Variants in BICD2 observed in about 807,000 individuals in gnomAD.
The protein encoded by BICD2 is protein bicaudal D homolog 2.
In BICD2, 25 loss-of-function variants were observed where a neutral mutation model predicts 72.9. That is an observed-to-expected ratio of 0.34 (90% CI 0.25 to 0.48). The LOEUF (loss-of-function observed/expected upper bound fraction) is 0.48. BICD2 is among the 20% of genes least tolerant of loss of function. The probability of loss-of-function intolerance (pLI) is 0.99; values close to 1 mark genes in which losing one functional copy is unlikely to be tolerated. For synonymous variants in BICD2, 501 were observed against 516.1 expected, an observed-to-expected ratio of 0.97 and a Z score of 0.40; for missense variants, 894 against 1,175.2, an observed-to-expected ratio of 0.76 and a Z score of 3.50.
At chr9:92,748,251 C>T (rs1854056707) in intron 1 of BICD2, among the ~76,000 whole-genome samples, 1 of 152,118 alleles carries the variant, frequency 6.6e-6, no homozygotes, top group Admixed American at 6.5e-5. Context: ...GAGAGGCATC[C>T]CAGGTTCTCC....
rs751269137 is a variant in BICD2 at position 92,764,717 on chromosome 9, ACTC to A, written c.25_27del (p.Glu9del). The A allele has an allele frequency of 1.8e-5, 28 of 1,579,736 alleles. No individual in the cohort carries two copies. In the East Asian group the frequency reaches 2.1e-4, roughly 12 times the overall value. ...TGCGCCTCCATCACCAGCCGCGCGT[ACTC>A]CTCCTCCTCCGACGGCGCCGACATG... On this transcript the variant is annotated inframe_deletion, in exon 1 of 7. Coordinates refer to ENST00000356884, the MANE Select transcript of BICD2 (RefSeq NM_001003800.2). This position sits in a 1 kb window ranked among gnomAD's most constrained non-coding sequence, Gnocchi z 5.5.
At chr9:92,717,738 G>GC in intron 6 of BICD2, 59 bp downstream of exon 6, 2 of 1,521,164 alleles carry the variant, frequency 1.3e-6, no homozygotes, top group Non-Finnish European at 8.8e-7. Context: ...GGTTCCAGAG[G>GC]CAAGTGCTGA....
At chr9:92,762,810 A>G (rs1258148076) in intron 1 of BICD2, among the ~76,000 whole-genome samples, 2 of 152,202 alleles carry the variant, frequency 1.3e-5, no homozygotes, top group African/African-American at 2.4e-5. Flanking sequence ...GGAGCGGCTC[A>G]CGATGCACTT....
chr9:92,735,389 A>T (rs537453939), intron 1 of BICD2, among the ~76,000 whole-genome samples: 1 of 152,070 alleles, frequency 6.6e-6, no homozygotes, highest in South Asian at 2.1e-4. Flanking sequence ...TCTGGCCAGG[A>T]GGGAGAAATC....
At chr9:92,758,571 C>G (rs1350695030) in intron 1 of BICD2, among the ~76,000 whole-genome samples, 1 of 88,296 alleles carries the variant, frequency 1.1e-5, no homozygotes, top group Non-Finnish European at 2.3e-5. Flanking sequence ...AAAAAAAAGG[C>G]TGGGCGTGGT....
intron 1 of BICD2, among the ~76,000 whole-genome samples, chr9:92,736,787 A>T (rs1345744921): frequency 1.3e-5 from 2 of 152,194 alleles, no homozygotes; most frequent in Non-Finnish European, 2.9e-5. Flanking sequence ...TAGCAGCTCC[A>T]TGACCGGAGC....
intron 1 of BICD2, among the ~76,000 whole-genome samples, chr9:92,738,876 A>C (rs1197778326): frequency 1.3e-5 from 2 of 152,224 alleles, no homozygotes; most frequent in Non-Finnish European, 2.9e-5. Context: ...TGCAGTTTCC[A>C]CAACAAAACT....
chr9:92,754,144 CAA>C (rs59231772), intron 1 of BICD2, among the ~76,000 whole-genome samples: 38,880 of 140,232 alleles, frequency 0.28, 6,268 homozygotes, highest in East Asian at 0.77. Flanking sequence ...GACTACATCT[CAA>C]AAAAAAAAAA....
intron 1 of BICD2, among the ~76,000 whole-genome samples, chr9:92,750,019 C>G (rs1463327434): frequency 6.6e-6 from 1 of 152,250 alleles, no homozygotes; most frequent in Non-Finnish European, 1.5e-5. Context: ...GACTTCATCT[C>G]AAACCCTCAT....
At chr9:92,741,738 T>C (rs1480393138) in intron 1 of BICD2, among the ~76,000 whole-genome samples, 1 of 152,184 alleles carries the variant, frequency 6.6e-6, no homozygotes, top group Admixed American at 6.5e-5. Flanking sequence ...CACTCTCCCC[T>C]TAAAAGGAGA....
chr9:92,737,704 T>C (rs923313981), intron 1 of BICD2, among the ~76,000 whole-genome samples: 2 of 152,238 alleles, frequency 1.3e-5, no homozygotes, highest in African/African-American at 4.8e-5. Context: ...AGTTATCACC[T>C]GGGCACACCC....
At chr9:92,718,393 G>A (rs1853368370) in intron 5 of BICD2, 146 bp downstream of exon 5, 2 of 971,370 alleles carry the variant, frequency 2.1e-6, no homozygotes, top group South Asian at 3.5e-5. Context: ...GGGGAGGGTA[G>A]GCAGTCGAGC....
At chr9:92,722,844 C>T in intron 2 of BICD2, 36 bp from the exon 3 acceptor site, 1 of 1,613,282 alleles carries the variant, frequency 6.2e-7, no homozygotes, top group South Asian at 1.1e-5. Context: ...TATGAGCAGC[C>T]TCCACAGGGC....
rs769346074 is a variant in BICD2 at position 92,714,889 on chromosome 9, G to C, written c.*265C>G. 84 of 1,264,944 alleles carry C rather than the reference G, an allele frequency of 6.6e-5. No homozygotes were observed. Among genetic ancestry groups the C allele is most frequent in the Non-Finnish European group, 7.8e-5 (78 of 1,004,502 alleles). The allele number at this position is 1,264,944 out of a possible 1,614,324, so 78.4% of individuals were successfully genotyped here. A position where few individuals can be genotyped will look rare whatever the true frequency, so the allele number is the denominator to read the frequency against. On this transcript the variant is annotated 3_prime_UTR_variant, in exon 7 of 7. Transcript: ENST00000356884. Reference sequence around the variant, plus strand: ...TGCTTTCATCACACATCTGCTGCAAGAATGTGCAGCTCTATCCCCACCTCT... The same window carrying C: ...TGCTTTCATCACACATCTGCTGCAACAATGTGCAGCTCTATCCCCACCTCT...
rs1204674138 is a variant in BICD2 at position 92,718,808 on chromosome 9, G to A, written c.1837C>T (p.Leu613=). Residue 613 remains leucine (L), a synonymous_variant, in exon 5 of 7, where the codon CTG becomes TTG. Coordinates refer to ENST00000356884, the MANE Select transcript of BICD2 (RefSeq NM_001003800.2). ...CGTGGGTCACTCAGGGGTGATGGCA[G>A]TGAGGAGCCAGGCGAGGGGCTGCTG... is the stretch of plus-strand genomic sequence containing the variant. ...GDSSPSPGSS[L]PSPLSDPRRE... is the part of the protein sequence containing the mutation. 1 of 1,613,468 alleles carries A rather than the reference G, an allele frequency of 6.2e-7. No homozygotes were observed. The highest frequency in any genetic ancestry group is 8.5e-7 in the Non-Finnish European group (1 of 1,179,824).
chr9:92,756,212 T>C (rs1358771238), intron 1 of BICD2, among the ~76,000 whole-genome samples: 1 of 151,058 alleles, frequency 6.6e-6, no homozygotes, highest in Non-Finnish European at 1.5e-5. Context: ...AATGCAGCAA[T>C]GCAAGAGCCA....
chr9:92,729,322 T>G, intron 1 of BICD2, 86 bp from the exon 2 acceptor site: 1 of 1,408,394 alleles, frequency 7.1e-7, no homozygotes, highest in Non-Finnish European at 9.8e-7. Flanking sequence ...ACATTCATGC[T>G]GCAGAACAAC....
At position 92,717,088 on chromosome 9, in the gene BICD2, T is replaced by C. The variant is rs562172520; in HGVS notation, c.2258+709A>G. ...AGGAGGATAATCTTCCTTCTGAATC[T>C]ACAAACATAAATACACACTTGTGCC... On this transcript the variant is annotated intron_variant, in intron 6 of 6. Coordinates refer to ENST00000356884, the MANE Select transcript of BICD2 (RefSeq NM_001003800.2). Among the ~76,000 whole-genome samples the C allele has an allele frequency of 7.2e-5, 11 of 152,338 alleles. 2 individuals carry two copies. The highest frequency in any genetic ancestry group is 2.6e-4 in the African/African-American group (11 of 41,578).
chr9:92,761,559 A>T (rs1854373174), intron 1 of BICD2, among the ~76,000 whole-genome samples: 1 of 152,176 alleles, frequency 6.6e-6, no homozygotes, highest in South Asian at 2.1e-4. Context: ...CCCTCCCCTG[A>T]CCATGAGGAC....
Sources: gnomAD v4.1 joint callset for allele counts (sites outside exome capture counted in the v4.1 genomes callset) on GRCh38, gnomAD v4.1.1 for gene constraint, Gnocchi (gnomAD v3.1) non-coding constraint, MANE v1.5 for transcripts, NCBI Gene and HGNC (gene_info 2026-07-23, HGNC 2026-07-21) for gene names.